Variants in MAST2 observed in about 807,000 individuals in gnomAD.
The protein encoded by MAST2 is microtubule associated serine/threonine kinase 2.
In MAST2, 70 loss-of-function variants were observed where a neutral mutation model predicts 147.4. The ratio of observed to expected loss-of-function variants is 0.47; its 90% CI spans 0.39 to 0.58. The LOEUF is 0.58. Among genes scored for constraint, MAST2 ranks in the 20% least tolerant of loss-of-function variants. MAST2 has a pLI of 0.00. For synonymous variants in MAST2, 869 were observed against 896.8 expected (o/e 0.97, Z 0.55); for missense variants, 2,080 against 2,302.3 (o/e 0.90, Z 1.98).
At position 45,970,798 on chromosome 1, in the gene MAST2, G is replaced by GTTTT. The variant is rs770669631; in HGVS notation, c.592+11335_592+11338dup. ...TCACTTCGCTGACAGACTAAGAAGTGTTTTTTTTTTTTTTTTTCTCCTCCA... is the reference window on the plus strand; with the variant it reads ...TCACTTCGCTGACAGACTAAGAAGTGTTTTTTTTTTTTTTTTTTTTTCTCCTCCA... On this transcript the variant is annotated intron_variant, in intron 5 of 28. Coordinates refer to ENST00000361297, the MANE Select transcript of MAST2 (RefSeq NM_015112.3). Among the ~76,000 whole-genome samples, 26 of 130,684 alleles carry GTTTT rather than the reference G, an allele frequency of 2.0e-4. 1 individual carries two copies. The highest frequency in any genetic ancestry group is 5.4e-4 in the African/African-American group (19 of 34,946). The allele number at this position is 130,684 out of a possible 152,430, so 85.7% of individuals were successfully genotyped here. A position where few individuals can be genotyped will look rare whatever the true frequency, so the allele number is the denominator to read the frequency against.
At chr1:45,939,533 A>G (rs1414712761) in intron 4 of MAST2, among the ~76,000 whole-genome samples, 2 of 140,510 alleles carry the variant, frequency 1.4e-5, no homozygotes, top group African/African-American at 5.3e-5. Context: ...CAATTTTTCA[A>G]TTTTTTTTTG....
At chr1:45,957,396 A>T (rs937867100) in intron 4 of MAST2, among the ~76,000 whole-genome samples, 1 of 152,212 alleles carries the variant, frequency 6.6e-6, no homozygotes, top group African/African-American at 2.4e-5. Flanking sequence ...CCAGTCTGAC[A>T]ATCTCTGCCT....
intron 3 of MAST2, among the ~76,000 whole-genome samples, chr1:45,830,446 T>C (rs1644922153): frequency 6.6e-6 from 1 of 152,158 alleles, no homozygotes; most frequent in African/African-American, 2.4e-5. Flanking sequence ...GTGTTGGGAT[T>C]ACAGGCTTGA....
Position 46,025,830 on chromosome 1 carries a change from T to C in MAST2, c.1919+15T>C, listed in dbSNP as rs1376092094. On this transcript the variant is annotated intron_variant, in intron 16 of 28. Coordinates refer to ENST00000361297, the MANE Select transcript of MAST2 (RefSeq NM_015112.3). ...AAGCCTGACAAGTATGTCCACAGTC[T>C]GTGTCCCTTGTCCAGGGTCTCCCTC... is the stretch of plus-strand genomic sequence containing the variant. 3.1e-6 allele frequency: 5 copies of C among 1,613,994 alleles called. No individual in the cohort carries two copies. The highest frequency in any genetic ancestry group is 3.4e-6 in the Non-Finnish European group (4 of 1,179,962).
chr1:45,892,952 A>G (rs1648083620), intron 4 of MAST2, among the ~76,000 whole-genome samples: 1 of 152,202 alleles, frequency 6.6e-6, no homozygotes, highest in African/African-American at 2.4e-5. Context: ...TAGAGAGGGA[A>G]AAATCTTTAT....
At chr1:46,021,153 G>A (rs907189101) in intron 11 of MAST2, among the ~76,000 whole-genome samples, 2 of 152,190 alleles carry the variant, frequency 1.3e-5, no homozygotes, top group Non-Finnish European at 2.9e-5. Context: ...GGACTTCCAG[G>A]TCTGGCGTAG....
Position 46,035,670 on chromosome 1 carries a change from G to A in MAST2, c.5001G>A (p.Arg1667=), listed in dbSNP as rs759688568. Residue 1667 remains arginine (R), a synonymous_variant, in exon 29 of 29, where the codon AGG becomes AGA. Coordinates refer to ENST00000361297, the MANE Select transcript of MAST2 (RefSeq NM_015112.3). This position sits in a 1 kb window ranked among gnomAD's most constrained non-coding sequence, Gnocchi z 5.5. The part of the protein sequence containing the change: ...SWKSLIEGPD[R]ASPSRKATMA... ...AATCCCTTATTGAGGGCCCAGACAG[G>A]GCATCCCCAAGCAGAAAGGCAACCA... 6.2e-7 allele frequency: 1 copy of A among 1,613,934 alleles called. No homozygotes were observed. Among genetic ancestry groups the A allele is most frequent in the South Asian group, 1.1e-5 (1 of 91,064 alleles).
chr1:46,033,991 C>G, intron 27 of MAST2, 53 bp downstream of exon 27: 1 of 1,608,628 alleles, frequency 6.2e-7, no homozygotes, highest in Non-Finnish European at 8.5e-7. Flanking sequence ...AGTGCTGGTA[C>G]GTGGTGGGTG....
intron 5 of MAST2, among the ~76,000 whole-genome samples, chr1:45,960,193 C>T (rs1042062598): frequency 6.6e-6 from 1 of 152,188 alleles, no homozygotes; most frequent in Non-Finnish European, 1.5e-5. Context: ...GACTGATTTA[C>T]ATGGCTCTGA....
intron 5 of MAST2, among the ~76,000 whole-genome samples, chr1:45,975,683 A>C (rs1390890855): frequency 2.6e-5 from 4 of 151,514 alleles, no homozygotes; most frequent in African/African-American, 9.7e-5. Context: ...TCTCAAAAAA[A>C]AAAAAAAAAC....
intron 4 of MAST2, among the ~76,000 whole-genome samples, chr1:45,908,279 T>G (rs1213133387): frequency 6.6e-6 from 1 of 152,196 alleles, no homozygotes; most frequent in Non-Finnish European, 1.5e-5. Context: ...ACACATGCCA[T>G]GGTGGTTTGC....
intron 4 of MAST2, among the ~76,000 whole-genome samples, chr1:45,904,841 T>A (rs1033485551): frequency 7.2e-5 from 11 of 151,950 alleles, no homozygotes; most frequent in Non-Finnish European, 4.4e-5. Flanking sequence ...GAGGCCTTGC[T>A]CTGTTGCCCA....
At chr1:46,015,652 A>G (rs1167691254) in intron 10 of MAST2, among the ~76,000 whole-genome samples, 4 of 152,192 alleles carry the variant, frequency 2.6e-5, no homozygotes, top group Non-Finnish European at 5.9e-5. Context: ...GAATAGACCA[A>G]TAACAGGCTC....
At chr1:45,845,598 A>C (rs1427965166) in intron 3 of MAST2, among the ~76,000 whole-genome samples, 1 of 152,188 alleles carries the variant, frequency 6.6e-6, no homozygotes, top group East Asian at 1.9e-4. Flanking sequence ...GAAAATGCTG[A>C]ATTACATGTC....
Position 46,023,943 on chromosome 1 carries a change from C to A in MAST2, c.1743C>A (p.Thr581=). 6.2e-7 allele frequency: 1 copy of A among 1,614,220 alleles called. No homozygotes were observed. The highest frequency in any genetic ancestry group is 8.5e-7 in the Non-Finnish European group (1 of 1,180,040). The part of the protein sequence containing the change: ...FVVSMFCSFD[T]KRHLCMVMEY... ...TCAGCATGTTCTGCTCCTTTGATAC[C>A]AAGCGCCACTTGTGCATGGTGATGG... The change falls in exon 15 of 29, where the codon ACC becomes ACA. Residue 581 remains threonine, a synonymous_variant. Transcript: ENST00000361297. This position sits in a 1 kb window ranked among gnomAD's most constrained non-coding sequence, Gnocchi z 4.9.
At chr1:45,835,733 A>T (rs994018312) in intron 3 of MAST2, among the ~76,000 whole-genome samples, 4 of 152,140 alleles carry the variant, frequency 2.6e-5, no homozygotes, top group Non-Finnish European at 5.9e-5. Context: ...TGCAAAAAAA[A>T]TCCTCTACCC....
chr1:46,031,709 C>G lies in MAST2; in HGVS notation c.3187+124C>G. 1.0e-6 allele frequency: 1 copy of G among 980,650 alleles called. No individual in the cohort carries two copies. Among genetic ancestry groups the G allele is most frequent in the Non-Finnish European group, 1.5e-6 (1 of 673,504 alleles). 60.7% of individuals were successfully genotyped at this position (980,650 alleles called of 1,614,324 possible). A position where few individuals can be genotyped will look rare whatever the true frequency, so the allele number is the denominator to read the frequency against. ...TTAAGCACAGATCTGACTGTGGTCT[C>G]TGAAGGTGTGTATTGGTGTCTGGGG... On this transcript the variant is annotated intron_variant, in intron 24 of 28. Transcript: ENST00000361297. The surrounding 1 kb of genome is among the most constrained non-coding windows in gnomAD (Gnocchi z 4.1).
chr1:45,867,301 A>G (rs1000719939), intron 3 of MAST2, among the ~76,000 whole-genome samples: 4 of 152,236 alleles, frequency 2.6e-5, no homozygotes, highest in African/African-American at 9.6e-5. Context: ...TGAAAATCCA[A>G]ATAAATATTT....
At position 46,034,590 on chromosome 1, in the gene MAST2, C is replaced by T. The variant is rs1289290311; in HGVS notation, c.3921C>T (p.Ser1307=). 3 of 1,614,040 alleles carry T rather than the reference C, an allele frequency of 1.9e-6. No homozygotes were observed. The highest frequency in any genetic ancestry group is 2.5e-6 in the Non-Finnish European group (3 of 1,179,998). The part of the protein sequence containing the change: ...SSSPSSSVPS[S]PAGSGHTRPS... ...CCCCCAGCTCCAGCGTGCCCAGTTC[C>T]CCAGCCGGCTCTGGGCACACACGGC... The change falls in exon 29 of 29, where the codon TCC becomes TCT. Residue 1307 remains serine (S), a synonymous_variant. Transcript: ENST00000361297.
Sources: gnomAD v4.1 joint callset for allele counts (sites outside exome capture counted in the v4.1 genomes callset) on GRCh38, gnomAD v4.1.1 for gene constraint, Gnocchi (gnomAD v3.1) non-coding constraint, MANE v1.5 for transcripts, NCBI Gene and HGNC (gene_info 2026-07-23, HGNC 2026-07-21) for gene names.